ZNF26: variants seen among roughly 807,000 people sequenced by gnomAD.
ZNF26 encodes zinc finger protein 26.
In ZNF26, 32 loss-of-function variants were observed where a neutral mutation model predicts 54.9. That is an observed-to-expected ratio of 0.58 (90% confidence interval 0.44 to 0.78). The LOEUF is 0.78. ZNF26 is among the 30% of genes least tolerant of loss of function. The pLI is 0.00. For synonymous variants in ZNF26, 221 were observed against 209.2 expected (o/e 1.06, Z -0.49); for missense variants, 524 against 634.0 (o/e 0.83, Z 1.86).
Position 133,014,112 on chromosome 12 carries a change from A to C in ZNF26, c.*2631A>C, listed in dbSNP as rs1212534396. On this transcript the variant is annotated 3_prime_UTR_variant, in exon 4 of 4. Transcript: ENST00000328654. ...TATTTTTACCAGTTTGGTAACAATA[A>C]TCTACACTAAACATGCCCTGGGATG... is the stretch of plus-strand genomic sequence containing the variant. The C allele has an allele frequency of 6.6e-6, 1 of 152,236 alleles. No homozygotes were observed. Among genetic ancestry groups the C allele is most frequent in the South Asian group, 2.1e-4 (1 of 4,830 alleles). 9.4% of individuals were successfully genotyped at this position (152,236 alleles called of 1,614,324 possible).
In ZNF26 at chr12:133,023,527, A is replaced by G. The variant is rs1953667674; in HGVS notation, c.*12046A>G. On this transcript the variant is annotated 3_prime_UTR_variant, in exon 4 of 4. Transcript: ENST00000328654. ...TCTAATATATGAAAATTTTCTGAGT[A>G]AATGAAATCCAGGTCTCTTTCGCCA... 1 of 152,246 alleles carries G rather than the reference A, an allele frequency of 6.6e-6. No homozygotes were observed. Among genetic ancestry groups the G allele is most frequent in the Admixed American group, 6.5e-5 (1 of 15,278 alleles). 9.4% of individuals were successfully genotyped at this position (152,246 alleles called of 1,614,324 possible). A position where few individuals can be genotyped will look rare whatever the true frequency, so the allele number is the denominator to read the frequency against.
In ZNF26 at chr12:133,001,406, C is replaced by T. The variant is rs890363162; in HGVS notation, c.34-5636C>T. Among the ~76,000 whole-genome samples the T allele has an allele frequency of 6.6e-6, 1 of 152,138 alleles. No homozygotes were observed. The highest frequency in any genetic ancestry group is 1.5e-5 in the Non-Finnish European group (1 of 68,038). On this transcript the variant is annotated intron_variant, in intron 1 of 3. Coordinates refer to ENST00000328654, the MANE Select transcript of ZNF26 (RefSeq NM_019591.4). The surrounding 1 kb of genome is among the most constrained non-coding windows in gnomAD (Gnocchi z 4.7). ...TGTTGCCCTCCGACGGGGGCTCCTT[C>T]TGGGTTGGGGTGGGAAAATCAGTGG...
At chr12:133,007,402 C>A in intron 2 of ZNF26, 35 bp from the exon 3 acceptor site, 1 of 1,566,804 alleles carries the variant, frequency 6.4e-7, no homozygotes, top group South Asian at 1.2e-5. Context: ...TCCCTAACAG[C>A]CTGGTCCCCA....
At chr12:132,996,106 G>A (rs933953450) in intron 1 of ZNF26, among the ~76,000 whole-genome samples, 5 of 152,088 alleles carry the variant, frequency 3.3e-5, no homozygotes, top group African/African-American at 1.2e-4. Context: ...TTTATTGCAG[G>A]CTCCTCTCTA....
In ZNF26 at chr12:133,020,874, A is replaced by T. The variant is rs935723847; in HGVS notation, c.*9393A>T. On this transcript the variant is annotated 3_prime_UTR_variant, in exon 4 of 4. Transcript: ENST00000328654. ...CACATAATCTCCCTTCTATATGCAC[A>T]TATCTCTGTGCAAACGTCCCCTTTT... 6.6e-6 allele frequency: 1 copy of T among 152,118 alleles called. No homozygotes were observed. The highest frequency in any genetic ancestry group is 1.5e-5 in the Non-Finnish European group (1 of 68,040). The allele number at this position is 152,118 out of a possible 1,614,324, so 9.4% of individuals were successfully genotyped here.
chr12:132,996,221 A>T (rs1304083736), intron 1 of ZNF26, among the ~76,000 whole-genome samples: 2 of 152,162 alleles, frequency 1.3e-5, no homozygotes, highest in Non-Finnish European at 2.9e-5. Context: ...CAGATGTCCC[A>T]TGGGGAAAAC....
intron 1 of ZNF26, among the ~76,000 whole-genome samples, chr12:133,000,848 C>T (rs1953201090): frequency 1.3e-5 from 2 of 152,098 alleles, no homozygotes; most frequent in Admixed American, 1.3e-4. Context: ...CGTGAACTAC[C>T]ATGCCTGGCC....
rs201001282 is a variant in ZNF26, at chr12:133,009,591, CAA to C, written c.257-532_257-531del. On this transcript the variant is annotated intron_variant, in intron 3 of 3. Coordinates refer to ENST00000328654, the MANE Select transcript of ZNF26 (RefSeq NM_019591.4). ...TGAGTGAAAGAGCAAGACCCTGTCT[CAA>C]AAAAAAAAAAAATCTTAAAAATATG... Among the ~76,000 whole-genome samples the C allele has an allele frequency of 3.3e-4, 47 of 142,548 alleles. 2 individuals are homozygous for C. The highest frequency in any genetic ancestry group is 1.2e-3 in the East Asian group (6 of 4,818). 93.5% of individuals were successfully genotyped at this position (142,548 alleles called of 152,430 possible). A position where few individuals can be genotyped will look rare whatever the true frequency, so the allele number is the denominator to read the frequency against.
intron 1 of ZNF26, among the ~76,000 whole-genome samples, chr12:132,988,230 A>G (rs1429490323): frequency 6.8e-6 from 1 of 147,634 alleles, no homozygotes; most frequent in East Asian, 2.0e-4. Flanking sequence ...GCTGGTCTTT[A>G]TAGTAAATCT....
Position 133,014,820 on chromosome 12 carries a change from A to G in ZNF26, c.*3339A>G, listed in dbSNP as rs1376231002. On this transcript the variant is annotated 3_prime_UTR_variant, in exon 4 of 4. Transcript: ENST00000328654. Reference sequence around the variant, plus strand: ...CTCGGCCTCCCGAAGTGCCGGGATTACAGGCGTGAGCCACCATGCCTGACC... The same window carrying G: ...CTCGGCCTCCCGAAGTGCCGGGATTGCAGGCGTGAGCCACCATGCCTGACC... 5.9e-5 allele frequency: 9 copies of G among 151,984 alleles called. No homozygotes were observed. Among genetic ancestry groups the G allele is most frequent in the African/African-American group, 2.2e-4 (9 of 41,482 alleles). The allele number at this position is 151,984 out of a possible 1,614,324, so 9.4% of individuals were successfully genotyped here.
At chr12:133,008,424 G>C (rs1363838669) in intron 3 of ZNF26, among the ~76,000 whole-genome samples, 1 of 152,068 alleles carries the variant, frequency 6.6e-6, no homozygotes, top group African/African-American at 2.4e-5. Flanking sequence ...TCTCCCGTAT[G>C]TTCCAAATTT....
In ZNF26 at chr12:133,025,874, A is replaced by G. The variant is rs1316218460; in HGVS notation, c.*14393A>G. 1 of 152,266 alleles carries G rather than the reference A, an allele frequency of 6.6e-6. No individual in the cohort carries two copies. The highest frequency in any genetic ancestry group is 1.5e-5 in the Non-Finnish European group (1 of 68,084). The allele number at this position is 152,266 out of a possible 1,614,324, so 9.4% of individuals were successfully genotyped here. A position where few individuals can be genotyped will look rare whatever the true frequency, so the allele number is the denominator to read the frequency against. The stretch of plus-strand genomic sequence containing the variant: ...ATGCAGCTTCCATCTTGTCACTGGA[A>G]TTCACACTCTTGAACCATTCAGCAG... On this transcript the variant is annotated 3_prime_UTR_variant, in exon 4 of 4. Transcript: ENST00000328654.
intron 1 of ZNF26, among the ~76,000 whole-genome samples, chr12:133,002,744 C>T (rs1953246706): frequency 6.6e-6 from 1 of 152,056 alleles, no homozygotes. Context: ...CTGTCTCAGC[C>T]TCCTGAGTAG....
At chr12:132,994,496 C>T (rs1246174284) in intron 1 of ZNF26, among the ~76,000 whole-genome samples, 2 of 152,306 alleles carry the variant, frequency 1.3e-5, no homozygotes, top group East Asian at 3.9e-4. Flanking sequence ...TAACCACCCA[C>T]CCATCCCAAT....
intron 1 of ZNF26, among the ~76,000 whole-genome samples, chr12:132,989,919 A>T (rs1474082192): frequency 6.6e-6 from 1 of 152,196 alleles, no homozygotes; most frequent in Non-Finnish European, 1.5e-5. Context: ...ATTCTCTATC[A>T]AGTTGAGAAA....
At chr12:132,987,767 A>C (rs1952855673) in intron 1 of ZNF26, 1 of 981,668 alleles carries the variant, frequency 1.0e-6, no homozygotes, top group African/African-American at 1.7e-5. Context: ...AAGAGGACCG[A>C]GGTGAGGACT....
chr12:133,011,557 A>ATAC lies in ZNF26; in HGVS notation c.*76_*77insTAC. 3.5e-6 allele frequency: 5 copies of ATAC among 1,424,358 alleles called. No individual in the cohort carries two copies. In the South Asian group the frequency reaches 5.0e-5, roughly 14 times the overall value. 88.2% of individuals were successfully genotyped at this position (1,424,358 alleles called of 1,614,324 possible). A position where few individuals can be genotyped will look rare whatever the true frequency, so the allele number is the denominator to read the frequency against. On this transcript the variant is annotated 3_prime_UTR_variant, in exon 4 of 4. Transcript: ENST00000328654. ...AATATAGACAGGATTTACAAGCAGG[A>ATAC]GGCCCTAAAATTACACTCATGTCAA...
Position 133,008,532 on chromosome 12 carries a change from T to G in ZNF26, c.256+1000T>G, listed in dbSNP as rs945647759. On this transcript the variant is annotated intron_variant, in intron 3 of 3. Coordinates refer to ENST00000328654, the MANE Select transcript of ZNF26 (RefSeq NM_019591.4). ...TGGCTCATGCCTGTAATCCCAGCACTTTGGGAGGCCGAGGCGGGTGGATCA... is the reference window on the plus strand; with the variant it reads ...TGGCTCATGCCTGTAATCCCAGCACGTTGGGAGGCCGAGGCGGGTGGATCA... 3.3e-5 allele frequency among the ~76,000 whole-genome samples: 5 copies of G among 152,064 alleles called. No homozygotes were observed. In the East Asian group the frequency reaches 9.6e-4, roughly 29 times the overall value.
chr12:132,988,107 C>G (rs997552858), intron 1 of ZNF26, among the ~76,000 whole-genome samples: 1 of 152,198 alleles, frequency 6.6e-6, no homozygotes, highest in African/African-American at 2.4e-5. Flanking sequence ...CTCCCGGGTT[C>G]GAGCGATTCT....
Sources: allele counts gnomAD v4.1 joint callset (sites outside exome capture counted in the v4.1 genomes callset), GRCh38; gene constraint gnomAD v4.1.1; non-coding constraint Gnocchi (gnomAD v3.1); transcripts MANE v1.5; gene names NCBI Gene and HGNC (gene_info 2026-07-23, HGNC 2026-07-21).